The following INSC variants were observed in gnomAD, a reference collection of about 807,000 sequenced individuals.
INSC encodes protein inscuteable homolog.
A neutral mutation model predicts 58.6 loss-of-function variants in INSC; 67 were observed. That is an observed-to-expected ratio of 1.14 (90% CI 0.94 to 1.40). The LOEUF is 1.40. Among genes scored for constraint, INSC ranks in the 40% most tolerant of loss-of-function variants. The pLI is 0.00. For missense variants in INSC, 714 were observed against 692.0 expected (o/e 1.03, Z -0.36); for synonymous variants, 262 against 276.1 (o/e 0.95, Z 0.51).
intron 2 of INSC, among the ~76,000 whole-genome samples, chr11:15,154,013 A>C (rs78192309): frequency 0.017 from 2,531 of 152,326 alleles, 76 homozygotes; most frequent in African/African-American, 0.057. Context: ...AATCAATTTC[A>C]TTCATTCATT....
At chr11:15,254,563 G>T in the INSC span, among the ~76,000 whole-genome samples, 2 of 152,180 alleles carry the variant, frequency 1.3e-5, no homozygotes, top group Non-Finnish European at 2.9e-5. Context: ...TGCCTCAGTT[G>T]CCTCATATGT....
intron 1 of INSC, among the ~76,000 whole-genome samples, chr11:15,122,921 A>G (rs1460186675): frequency 6.6e-6 from 1 of 152,140 alleles, no homozygotes; most frequent in African/African-American, 2.4e-5. Context: ...TGATCTTAAG[A>G]TAAAGACCAC....
At chr11:15,171,977 C>T (rs1393112817) in intron 2 of INSC, among the ~76,000 whole-genome samples, 1 of 152,214 alleles carries the variant, frequency 6.6e-6, no homozygotes, top group Non-Finnish European at 1.5e-5. Context: ...GACATGGCCA[C>T]AGATGGCCAG....
At chr11:15,188,991 CAA>C (rs1850070046) in intron 5 of INSC, among the ~76,000 whole-genome samples, 1 of 152,146 alleles carries the variant, frequency 6.6e-6, no homozygotes, top group Admixed American at 6.5e-5. Flanking sequence ...GAATCTCTAA[CAA>C]GAGGCATCTG....
rs1273288410 is a variant in INSC, at chr11:15,238,953, A to C, written c.1272A>C (p.Lys424Asn). 1.2e-6 allele frequency: 2 copies of C among 1,613,900 alleles called. No homozygotes were observed. The highest frequency in any genetic ancestry group is 2.2e-5 in the East Asian group (1 of 44,886). ...VQLIMGMLSE[K>N]PRSGTPAEVA... Reference sequence around the variant, plus strand: ...TTATCATGGGCATGCTGTCTGAAAAACCAAGGTCTGGGACTCCTGCTGAAG... The same window carrying C: ...TTATCATGGGCATGCTGTCTGAAAACCCAAGGTCTGGGACTCCTGCTGAAG... The change falls in exon 11 of 13, where the codon AAA (lysine) becomes AAC (asparagine). Residue 424 changes from lysine (K) to asparagine (N), a missense_variant. Coordinates refer to ENST00000379556, the MANE Select transcript of INSC (RefSeq NM_001042536.3).
intron 5 of INSC, among the ~76,000 whole-genome samples, chr11:15,188,815 T>C (rs1303260363): frequency 6.6e-6 from 1 of 152,204 alleles, no homozygotes; most frequent in Non-Finnish European, 1.5e-5. Context: ...CATTAGGTAA[T>C]TATCATTTAG....
intron 1 of INSC, among the ~76,000 whole-genome samples, chr11:15,134,567 G>T (rs138125208): frequency 1.3e-5 from 2 of 152,266 alleles, no homozygotes; most frequent in Non-Finnish European, 2.9e-5. Flanking sequence ...TGTCCAGAGG[G>T]CTGTCATTAG....
chr11:15,135,922 C>T (rs1848234307), intron 1 of INSC, among the ~76,000 whole-genome samples: 1 of 152,142 alleles, frequency 6.6e-6, no homozygotes, highest in Non-Finnish European at 1.5e-5. Context: ...TGATGCCTTG[C>T]ATGCTGTGCT....
chr11:15,263,580 C>T, the INSC span, among the ~76,000 whole-genome samples: 7 of 152,184 alleles, frequency 4.6e-5, no homozygotes, highest in Admixed American at 2.0e-4. Flanking sequence ...GTCAATGTAT[C>T]GTACATTCAT....
intron 9 of INSC, among the ~76,000 whole-genome samples, chr11:15,229,967 TATATATATATA>T (rs1564917038): frequency 0.18 from 3,658 of 20,868 alleles, 431 homozygotes; most frequent in Middle Eastern, 0.29. Context: ...TATTTATATA[TATATATATATA>T]TTATATATAT....
intron 7 of INSC, among the ~76,000 whole-genome samples, chr11:15,204,809 T>C (rs1319335500): frequency 6.6e-6 from 1 of 152,208 alleles, no homozygotes; most frequent in Non-Finnish European, 1.5e-5. Context: ...GCTTAATTAA[T>C]TGGCAGTGGG....
At chr11:15,211,486 T>C (rs1274145675) in intron 7 of INSC, among the ~76,000 whole-genome samples, 1 of 152,192 alleles carries the variant, frequency 6.6e-6, no homozygotes, top group African/African-American at 2.4e-5. Context: ...TGTGGTAGGT[T>C]TTTTTATTCT....
At chr11:15,258,794 G>T in the INSC span, among the ~76,000 whole-genome samples, 1 of 152,162 alleles carries the variant, frequency 6.6e-6, no homozygotes, top group Non-Finnish European at 1.5e-5. Context: ...TCAAATTTAA[G>T]ATCTTTTGCT....
At chr11:15,196,264 G>A (rs1174090975) in intron 6 of INSC, among the ~76,000 whole-genome samples, 1 of 152,188 alleles carries the variant, frequency 6.6e-6, no homozygotes. Flanking sequence ...CCTGTGCAGG[G>A]ACTTTCACAC....
chr11:15,147,398 A>C (rs1408081643), intron 1 of INSC, among the ~76,000 whole-genome samples: 1 of 152,212 alleles, frequency 6.6e-6, no homozygotes, highest in African/African-American at 2.4e-5. Context: ...AGCTGACCAG[A>C]GAGCTGAGCA....
intron 1 of INSC, among the ~76,000 whole-genome samples, chr11:15,118,740 C>T (rs1355793405): frequency 6.6e-6 from 1 of 152,196 alleles, no homozygotes. Context: ...GGGCTTTAAG[C>T]TCAACCAAGT....
At chr11:15,120,799 C>T (rs1847853277) in intron 1 of INSC, among the ~76,000 whole-genome samples, 1 of 152,124 alleles carries the variant, frequency 6.6e-6, no homozygotes, top group South Asian at 2.1e-4. Context: ...ATTCAACAAA[C>T]ATTTATTGAG....
chr11:15,160,019 C>T (rs1448841264), intron 2 of INSC, among the ~76,000 whole-genome samples: 1 of 152,166 alleles, frequency 6.6e-6, no homozygotes, highest in African/African-American at 2.4e-5. Context: ...GTGTCAGGTC[C>T]ATTGCCTTGC....
At chr11:15,202,212 T>G (rs4756801) in intron 7 of INSC, among the ~76,000 whole-genome samples, 35,269 of 152,068 alleles carry the variant, frequency 0.23, 5,397 homozygotes, top group East Asian at 0.73. Flanking sequence ...TTGGAAGTCT[T>G]CATATCTAGT....
Sources: allele counts gnomAD v4.1 joint callset (sites outside exome capture counted in the v4.1 genomes callset), GRCh38; gene constraint gnomAD v4.1.1; transcripts MANE v1.5; gene names NCBI Gene and HGNC (gene_info 2026-07-23, HGNC 2026-07-21).